RABL3: variants seen among roughly 807,000 people sequenced by gnomAD.
RABL3 encodes the protein rab-like protein 3.
In RABL3, 31 loss-of-function variants were observed where a neutral mutation model predicts 31.8. That is an observed-to-expected ratio of 0.97 (90% CI 0.73 to 1.31). The LOEUF (loss-of-function observed/expected upper bound fraction) is 1.31, where lower values mean the gene tolerates loss of function less well. Ranked by LOEUF, RABL3 falls within the 40% of genes most tolerant of loss-of-function variation. RABL3 has a pLI of 0.00. For synonymous variants in RABL3, 97 were observed against 99.9 expected (o/e 0.97, Z 0.18); for missense variants, 263 against 279.6 (o/e 0.94, Z 0.42).
intron 5 of RABL3, among the ~76,000 whole-genome samples, chr3:120,697,111 T>C (rs1708446036): frequency 6.6e-6 from 1 of 152,224 alleles, no homozygotes; most frequent in East Asian, 1.9e-4. Context: ...AAATTTTCCA[T>C]AGGTACTATT....
intron 2 of RABL3, among the ~76,000 whole-genome samples, chr3:120,715,091 G>T (rs1360304266): frequency 6.6e-6 from 1 of 152,034 alleles, no homozygotes; most frequent in Non-Finnish European, 1.5e-5. Flanking sequence ...CTATAATATG[G>T]CCCTCTTCTT....
intron 1 of RABL3, among the ~76,000 whole-genome samples, 199 bp from the exon 2 acceptor site, chr3:120,730,986 C>G (rs1000406960): frequency 2.0e-5 from 3 of 152,170 alleles, no homozygotes; most frequent in African/African-American, 7.2e-5. Flanking sequence ...CAGAATCACC[C>G]GGAGGGTGAG....
At chr3:120,694,405 A>G (rs532872316) in intron 5 of RABL3, among the ~76,000 whole-genome samples, 181 bp from the exon 6 acceptor site, 1 of 152,298 alleles carries the variant, frequency 6.6e-6, no homozygotes, top group African/African-American at 2.4e-5. Context: ...AAAGGAAAAT[A>G]AGGTCACTTA....
intron 2 of RABL3, among the ~76,000 whole-genome samples, chr3:120,723,639 T>A (rs1051135905): frequency 6.6e-6 from 1 of 152,178 alleles, no homozygotes; most frequent in African/African-American, 2.4e-5. Flanking sequence ...GAAGGCTGGT[T>A]CAACATACGC....
chr3:120,727,133 TAAACCCA>T (rs1708831222), intron 2 of RABL3, among the ~76,000 whole-genome samples: 1 of 152,032 alleles, frequency 6.6e-6, no homozygotes, highest in Admixed American at 6.6e-5. Flanking sequence ...GACACTAAAT[TAAACCCA>T]AAGAAAGTAT....
At chr3:120,734,468 A>G (rs1708929694) in intron 1 of RABL3, among the ~76,000 whole-genome samples, 1 of 152,220 alleles carries the variant, frequency 6.6e-6, no homozygotes, top group African/African-American at 2.4e-5. Flanking sequence ...TTTTCTGGAT[A>G]TACTATCATG....
intron 4 of RABL3, among the ~76,000 whole-genome samples, chr3:120,701,888 T>G (rs1386800610): frequency 6.6e-6 from 1 of 152,154 alleles, no homozygotes; most frequent in African/African-American, 2.4e-5. Context: ...CTGGACAGGA[T>G]ACATGAAGTG....
At chr3:120,707,434 T>C (rs1229339988) in intron 3 of RABL3, among the ~76,000 whole-genome samples, 2 of 152,190 alleles carry the variant, frequency 1.3e-5, no homozygotes, top group Non-Finnish European at 2.9e-5. Context: ...TACTAAATAT[T>C]GTGCTTTACA....
chr3:120,703,336 C>T (rs1576334334), intron 4 of RABL3, among the ~76,000 whole-genome samples: 1 of 152,146 alleles, frequency 6.6e-6, no homozygotes, highest in African/African-American at 2.4e-5. Context: ...CAACACATTT[C>T]TAAACAGCCT....
chr3:120,714,425 A>G (rs928281533), intron 2 of RABL3, among the ~76,000 whole-genome samples: 2 of 152,198 alleles, frequency 1.3e-5, no homozygotes, highest in Admixed American at 1.3e-4. Flanking sequence ...GAAGGAAGAA[A>G]TGAACAAATG....
intron 5 of RABL3, among the ~76,000 whole-genome samples, chr3:120,694,856 GA>G (rs918132794): frequency 3.3e-5 from 5 of 150,766 alleles, no homozygotes; most frequent in Non-Finnish European, 7.4e-5. Context: ...TTATTATAGG[GA>G]AAAAAAATGG....
chr3:120,732,059 C>T (rs1196455937), intron 1 of RABL3, among the ~76,000 whole-genome samples: 1 of 150,196 alleles, frequency 6.7e-6, no homozygotes, highest in Non-Finnish European at 1.5e-5. Flanking sequence ...ACACTGTCTA[C>T]AAAAAAAAAT....
intron 4 of RABL3, among the ~76,000 whole-genome samples, chr3:120,701,449 A>G (rs1028827035): frequency 1.3e-5 from 2 of 152,210 alleles, no homozygotes; most frequent in Non-Finnish European, 1.5e-5. Context: ...GCAAATGGGT[A>G]TAGAACTTTT....
chr3:120,705,887 C>G, intron 4 of RABL3, 113 bp downstream of exon 4: 1 of 716,964 alleles, frequency 1.4e-6, no homozygotes, highest in Admixed American at 2.3e-5. Flanking sequence ...AAAAGATAAT[C>G]TATACACTGA....
chr3:120,697,679 A>G (rs1708451783), intron 5 of RABL3, among the ~76,000 whole-genome samples: 1 of 152,200 alleles, frequency 6.6e-6, no homozygotes, highest in Non-Finnish European at 1.5e-5. Flanking sequence ...ATAAGTGTAC[A>G]TAAATTAGTC....
chr3:120,697,306 T>C (rs1397963604), intron 5 of RABL3, among the ~76,000 whole-genome samples: 5 of 152,240 alleles, frequency 3.3e-5, no homozygotes, highest in African/African-American at 1.2e-4. Flanking sequence ...CTTGGTCTTG[T>C]TACGTCTCTC....
chr3:120,740,863 CA>C (rs761843491), intron 1 of RABL3, among the ~76,000 whole-genome samples: 1 of 152,186 alleles, frequency 6.6e-6, no homozygotes, highest in Non-Finnish European at 1.5e-5. Flanking sequence ...TAAACCATAA[CA>C]GGGGAGGCGG....
chr3:120,690,187 G>A (rs1708362880), intron 7 of RABL3, among the ~76,000 whole-genome samples: 1 of 152,154 alleles, frequency 6.6e-6, no homozygotes, highest in South Asian at 2.1e-4. Context: ...GACCCTGAAC[G>A]TATACTCTTG....
intron 2 of RABL3, 121 bp from the exon 3 acceptor site, chr3:120,710,030 T>G: frequency 1.5e-6 from 1 of 666,502 alleles, no homozygotes; most frequent in Non-Finnish European, 2.5e-6. Flanking sequence ...CCTCTTATCT[T>G]TTAAGCTTAC....
Sources: gnomAD v4.1 joint callset for allele counts (sites outside exome capture counted in the v4.1 genomes callset) on GRCh38, gnomAD v4.1.1 for gene constraint, MANE v1.5 for transcripts, NCBI Gene and HGNC (gene_info 2026-07-23, HGNC 2026-07-21) for gene names.